Variants in EPHA8 observed in about 807,000 individuals in gnomAD.
EPHA8 encodes the protein EPH receptor A8, also known as ephrin type-A receptor 8.
A neutral mutation model predicts 103.6 loss-of-function variants in EPHA8; 58 were observed. That is an observed-to-expected ratio of 0.56 (90% confidence interval 0.45 to 0.70). EPHA8 has a LOEUF of 0.70. Ranked by LOEUF, EPHA8 falls within the 30% of genes least tolerant of loss-of-function variation. The pLI is 0.00. For missense variants in EPHA8, 1,304 were observed against 1,395.2 expected (o/e 0.93, Z 1.04); for synonymous variants, 559 against 572.5 (o/e 0.98, Z 0.34).
At chr1:22,578,792 T>C (rs564111068) in intron 3 of EPHA8, among the ~76,000 whole-genome samples, 2 of 151,332 alleles carry the variant, frequency 1.3e-5, no homozygotes, top group East Asian at 1.9e-4. Flanking sequence ...GGCATATGTA[T>C]GTGTGCGTGT....
At chr1:22,596,217 AG>A (rs923021893) in intron 9 of EPHA8, 44 bp downstream of exon 9, 1 of 1,586,730 alleles carries the variant, frequency 6.3e-7, no homozygotes, top group Non-Finnish European at 8.6e-7. Flanking sequence ...GGAAGGCCAC[AG>A]GGGGACCCAG....
intron 2 of EPHA8, among the ~76,000 whole-genome samples, chr1:22,575,550 A>T (rs1640665430): frequency 1.3e-5 from 2 of 151,740 alleles, no homozygotes; most frequent in Admixed American, 1.3e-4. Context: ...TTACCTTTTC[A>T]CTCTGTTGAG....
At chr1:22,575,611 G>A (rs753518744) in intron 2 of EPHA8, among the ~76,000 whole-genome samples, 55 of 152,176 alleles carry the variant, frequency 3.6e-4, no homozygotes, top group Non-Finnish European at 6.9e-4. Context: ...AGGCAGCACA[G>A]AAGCAATTAA....
Position 22,576,767 on chromosome 1 carries a change from CAG to C in EPHA8, c.713_714del (p.Glu238GlyfsTer39). On this transcript the variant is annotated frameshift_variant, in exon 3 of 17. Coordinates refer to ENST00000166244, the MANE Select transcript of EPHA8 (RefSeq NM_020526.5). LOFTEE classifies it high-confidence loss of function. This position sits in a 1 kb window ranked among gnomAD's most constrained non-coding sequence, Gnocchi z 4.8. ...GTGAGGGGCCAGTGCGTGCGGCACT[CAG>C]AGGAGCGGGACACACCCAAGATGTA... is the stretch of plus-strand genomic sequence containing the variant. 2.5e-6 allele frequency: 4 copies of C among 1,613,814 alleles called. No homozygotes were observed. The highest frequency in any genetic ancestry group is 3.4e-6 in the Non-Finnish European group (4 of 1,180,050).
Position 22,589,419 on chromosome 1 carries a change from A to G in EPHA8, c.1315+213A>G. 1 of 1,502,020 alleles carries G rather than the reference A, an allele frequency of 6.7e-7. No homozygotes were observed. The highest frequency in any genetic ancestry group is 8.8e-7 in the Non-Finnish European group (1 of 1,132,932). 93.0% of individuals were successfully genotyped at this position (1,502,020 alleles called of 1,614,324 possible). ...TTCTATAAGTAAGAGAAATCCCAAA[A>G]GCTCAGAGGCAGGCTAGTGTGGCCG... On this transcript the variant is annotated intron_variant, in intron 5 of 16. Coordinates refer to ENST00000166244, the MANE Select transcript of EPHA8 (RefSeq NM_020526.5). This position sits in a 1 kb window ranked among gnomAD's most constrained non-coding sequence, Gnocchi z 4.3.
At chr1:22,571,430 C>T (rs1022046186) in intron 2 of EPHA8, among the ~76,000 whole-genome samples, 3 of 152,154 alleles carry the variant, frequency 2.0e-5, no homozygotes, top group African/African-American at 7.2e-5. Flanking sequence ...CAGCTGATGG[C>T]AAGCTGGGAC....
chr1:22,584,393 C>T (rs1641129943), intron 3 of EPHA8, among the ~76,000 whole-genome samples: 3 of 152,184 alleles, frequency 2.0e-5, no homozygotes, highest in Non-Finnish European at 2.9e-5. Flanking sequence ...CGTATTTTCC[C>T]CCACTCTGCA....
Position 22,601,021 on chromosome 1 carries a change from A to G in EPHA8, c.2662A>G (p.Ile888Val). The change falls in exon 15 of 17, where the codon ATT becomes GTT. Residue 888 changes from isoleucine to valine, a missense_variant. Physicochemically the swap from Ile to Val is conservative, Grantham distance 29. Transcript: ENST00000166244. Reference sequence around the variant, plus strand: ...GGCGCAGCGGCCTCGCTTCTCCCAGATTGTCAGTGTCCTCGATGCGCTCAT... The same window carrying G: ...GGCGCAGCGGCCTCGCTTCTCCCAGGTTGTCAGTGTCCTCGATGCGCTCAT... ...DRAQRPRFSQ[I>V]VSVLDALIRS... 1 of 1,612,836 alleles carries G rather than the reference A, an allele frequency of 6.2e-7. No individual in the cohort carries two copies.
chr1:22,590,081 G>A (rs1391620964), intron 5 of EPHA8, among the ~76,000 whole-genome samples: 1 of 152,204 alleles, frequency 6.6e-6, no homozygotes, highest in Non-Finnish European at 1.5e-5. Flanking sequence ...GCTCCCTGAC[G>A]CCAGGGCCTC....
chr1:22,590,105 A>T (rs1641334539), intron 5 of EPHA8, among the ~76,000 whole-genome samples: 2 of 152,158 alleles, frequency 1.3e-5, no homozygotes, highest in African/African-American at 4.8e-5. Flanking sequence ...CCTTCAGAAG[A>T]TTCCCTCATT....
chr1:22,577,629 TGGA>T (rs960880466), intron 3 of EPHA8, among the ~76,000 whole-genome samples: 5 of 151,958 alleles, frequency 3.3e-5, no homozygotes, highest in Non-Finnish European at 5.9e-5. Flanking sequence ...AAGGGCCTTG[TGGA>T]GGAGGACAGT....
At chr1:22,564,028 G>A (rs576197842) in intron 1 of EPHA8, among the ~76,000 whole-genome samples, 1 of 151,862 alleles carries the variant, frequency 6.6e-6, no homozygotes, top group Non-Finnish European at 1.5e-5. Context: ...AGGGTCGGAC[G>A]CCGGGGACAA....
At chr1:22,577,485 G>T (rs967728021) in intron 3 of EPHA8, among the ~76,000 whole-genome samples, 13 of 152,118 alleles carry the variant, frequency 8.5e-5, no homozygotes, top group Admixed American at 7.9e-4. Flanking sequence ...GGCCCTGGGT[G>T]AATGAGCACA....
rs143376088 is a variant in EPHA8 at position 22,576,618 on chromosome 1, C to T, written c.561C>T (p.Asp187=). 5.0e-6 allele frequency: 8 copies of T among 1,613,834 alleles called. No individual in the cohort carries two copies. The African/African-American group carries it at 8.0e-5, about 16-fold the overall frequency. ...GCGGCTTCTACCTGGCCTTCCAGGA[C>T]ATAGGTGCCTGCCTGGCCATCCTCT... ...SKRGFYLAFQ[D]IGACLAILSL... The change falls in exon 3 of 17, where the codon GAC becomes GAT. Residue 187 remains aspartate (D), a synonymous_variant. Transcript: ENST00000166244. This position sits in a 1 kb window ranked among gnomAD's most constrained non-coding sequence, Gnocchi z 4.8.
At chr1:22,570,589 C>T (rs1189969194) in intron 2 of EPHA8, among the ~76,000 whole-genome samples, 1 of 81,830 alleles carries the variant, frequency 1.2e-5, no homozygotes, top group African/African-American at 1.1e-4. Context: ...TCATCTGGGC[C>T]TTTTGTGGGG....
intron 3 of EPHA8, among the ~76,000 whole-genome samples, chr1:22,578,435 CGTGTGTG>C (rs1640853015): frequency 1.6e-5 from 1 of 62,436 alleles, no homozygotes; most frequent in African/African-American, 7.3e-5. Flanking sequence ...CGTATGTGTA[CGTGTGTG>C]CATGTGTGCG....
intron 1 of EPHA8, among the ~76,000 whole-genome samples, chr1:22,565,810 G>T (rs995665911): frequency 6.6e-6 from 1 of 152,158 alleles, no homozygotes; most frequent in Non-Finnish European, 1.5e-5. Context: ...GTGAAGGGAG[G>T]CATAGCCCAA....
At chr1:22,580,812 C>T (rs937284158) in intron 3 of EPHA8, among the ~76,000 whole-genome samples, 3 of 152,228 alleles carry the variant, frequency 2.0e-5, no homozygotes, top group Non-Finnish European at 4.4e-5. Flanking sequence ...GGCCTTACAG[C>T]TAGTGAGAGC....
chr1:22,582,691 C>T (rs1358259614), intron 3 of EPHA8, among the ~76,000 whole-genome samples: 1 of 152,170 alleles, frequency 6.6e-6, no homozygotes, highest in African/African-American at 2.4e-5. Flanking sequence ...GCTCCCCACA[C>T]TCCACAACTC....
Sources: gnomAD v4.1 joint callset for allele counts (sites outside exome capture counted in the v4.1 genomes callset) on GRCh38, gnomAD v4.1.1 for gene constraint, Gnocchi (gnomAD v3.1) non-coding constraint, MANE v1.5 for transcripts, NCBI Gene and HGNC (gene_info 2026-07-23, HGNC 2026-07-21) for gene names.